The following CDH13 variants were observed in gnomAD, a reference collection of about 807,000 sequenced individuals.
CDH13 encodes the protein cadherin-13.
Under a neutral mutation model 63.8 loss-of-function variants are expected in CDH13, and 24 were observed. The observed-to-expected ratio is 0.38, with a 90% confidence interval of 0.27 to 0.53. The LOEUF (loss-of-function observed/expected upper bound fraction) is 0.53, where lower values mean the gene tolerates loss of function less well. CDH13 is among the 20% of genes least tolerant of loss of function. CDH13 has a pLI of 0.85. For missense variants in CDH13, 1,049 were observed against 903.1 expected, an observed-to-expected ratio of 1.16 and a Z score of -2.07; for synonymous variants, 503 against 355.3, an observed-to-expected ratio of 1.42 and a Z score of -4.67.
At chr16:83,563,665 G>T (rs567031192) in intron 7 of CDH13, among the ~76,000 whole-genome samples, 1 of 152,160 alleles carries the variant, frequency 6.6e-6, no homozygotes, top group Non-Finnish European at 1.5e-5. Flanking sequence ...TTAGGAGGGC[G>T]TGTGTGTATG....
intron 10 of CDH13, among the ~76,000 whole-genome samples, chr16:83,710,916 T>C (rs546267822): frequency 3.9e-5 from 6 of 152,286 alleles, no homozygotes; most frequent in Admixed American, 2.0e-4. Flanking sequence ...TGTGTAGCAT[T>C]TGAAGGAGGC....
chr16:83,324,140 T>C (rs9926617), intron 5 of CDH13, among the ~76,000 whole-genome samples: 47,155 of 151,294 alleles, frequency 0.31, 7,489 homozygotes, highest in East Asian at 0.46. Context: ...CAGGTTCAAG[T>C]AGTTCCTTGC....
intron 6 of CDH13, among the ~76,000 whole-genome samples, chr16:83,382,204 G>A (rs2091580453): frequency 1.3e-5 from 2 of 152,252 alleles, no homozygotes; most frequent in South Asian, 2.1e-4. Context: ...CTGACTAATA[G>A]CCATAAAGTA....
chr16:83,150,643 T>G (rs968977759), intron 4 of CDH13, among the ~76,000 whole-genome samples: 4 of 152,212 alleles, frequency 2.6e-5, no homozygotes, highest in African/African-American at 7.2e-5. Flanking sequence ...ATAGAGCGTT[T>G]TTTATCTCAC....
chr16:83,532,722 C>A lies in CDH13; in HGVS notation c.960+46067C>A, dbSNP rs559271173. ...TAAGTTCTTTGCAAGCAATCATTGG[C>A]CATCTGCCTGAGTAGTCACGCTGGT... On this transcript the variant is annotated intron_variant, in intron 7 of 13. Coordinates refer to ENST00000567109, the MANE Select transcript of CDH13 (RefSeq NM_001257.5). 2.6e-4 allele frequency among the ~76,000 whole-genome samples: 39 copies of A among 152,360 alleles called. 1 individual carries two copies. In the South Asian group the frequency reaches 6.4e-3, roughly 25 times the overall value.
intron 4 of CDH13, among the ~76,000 whole-genome samples, chr16:83,189,216 T>G (rs8048495): frequency 6.6e-6 from 1 of 152,042 alleles, no homozygotes; most frequent in Non-Finnish European, 1.5e-5. Context: ...TCTGTAGATT[T>G]CCGCCGTCTG....
intron 4 of CDH13, among the ~76,000 whole-genome samples, chr16:83,151,224 C>T (rs576694492): frequency 7.2e-5 from 11 of 152,298 alleles, no homozygotes; most frequent in African/African-American, 2.6e-4. Flanking sequence ...CATAATTGAA[C>T]AGTGGTGACA....
rs115437580 is a variant in CDH13, at chr16:83,665,533, C to A, written c.1102-5257C>A. Among the ~76,000 whole-genome samples, 347 of 152,274 alleles carry A rather than the reference C, an allele frequency of 2.3e-3. 2 individuals carry two copies. Among genetic ancestry groups the A allele is most frequent in the African/African-American group, 7.9e-3 (329 of 41,556 alleles). ...GCAAGTTATATTTCTGATGGTCTCT[C>A]CCCTACCCTTTTATCATCACAAATA... On this transcript the variant is annotated intron_variant, in intron 8 of 13. Coordinates refer to ENST00000567109, the MANE Select transcript of CDH13 (RefSeq NM_001257.5).
rs911123048 is a variant in CDH13 at position 83,287,631 on chromosome 16, G to A, written c.637-57231G>A. Among the ~76,000 whole-genome samples the A allele has an allele frequency of 2.6e-5, 4 of 152,266 alleles. No homozygotes were observed. In the East Asian group the frequency reaches 5.8e-4, roughly 22 times the overall value. On this transcript the variant is annotated intron_variant, in intron 5 of 13. Transcript: ENST00000567109. ...GGTCCCTCTAGTTGCAGGAAACCAA[G>A]CTCAGGGCTCTCACTGATTCTACAT... is the stretch of plus-strand genomic sequence containing the variant.
intron 1 of CDH13, among the ~76,000 whole-genome samples, chr16:82,678,581 G>C (rs1914198545): frequency 6.6e-6 from 1 of 152,218 alleles, no homozygotes; most frequent in African/African-American, 2.4e-5. Flanking sequence ...AGAAGCTTGA[G>C]TGACTGGTAA....
At chr16:82,711,396 C>A (rs992636096) in intron 1 of CDH13, among the ~76,000 whole-genome samples, 1 of 152,066 alleles carries the variant, frequency 6.6e-6, no homozygotes, top group African/African-American at 2.4e-5. Flanking sequence ...ACTTGGGATT[C>A]TGGAATGGGG....
intron 7 of CDH13, among the ~76,000 whole-genome samples, chr16:83,490,928 C>G (rs73603864): frequency 1.2e-4 from 18 of 152,340 alleles, no homozygotes; most frequent in South Asian, 4.1e-4. Flanking sequence ...TCTGTTCTCT[C>G]TCTCTATTCC....
chr16:82,725,277 T>A (rs991863848), intron 1 of CDH13, among the ~76,000 whole-genome samples: 5 of 152,206 alleles, frequency 3.3e-5, no homozygotes, highest in African/African-American at 4.8e-5. Context: ...GTCTCTCAAG[T>A]TCTGAATTGT....
chr16:83,159,335 G>C (rs2037349041), intron 4 of CDH13, among the ~76,000 whole-genome samples: 1 of 152,110 alleles, frequency 6.6e-6, no homozygotes, highest in Non-Finnish European at 1.5e-5. Context: ...TTATTACAAA[G>C]CCTGCATTCT....
chr16:83,364,103 C>T (rs2091214247), intron 6 of CDH13, among the ~76,000 whole-genome samples: 1 of 152,140 alleles, frequency 6.6e-6, no homozygotes, highest in African/African-American at 2.4e-5. Context: ...ATATAAATGT[C>T]AACGCAAGAA....
chr16:82,885,466 C>CCCATCCATCCAT (rs58100947), intron 2 of CDH13, among the ~76,000 whole-genome samples: 1 of 129,224 alleles, frequency 7.7e-6, no homozygotes, highest in Non-Finnish European at 1.6e-5. Flanking sequence ...CATCCACCTA[C>CCCATCCATCCAT]CCATCCATCC....
chr16:83,570,676 T>C (rs1904495961), intron 7 of CDH13, among the ~76,000 whole-genome samples: 1 of 146,648 alleles, frequency 6.8e-6, no homozygotes, highest in South Asian at 2.1e-4. Context: ...TCCTTTTATA[T>C]ATATAAAAAA....
At chr16:83,507,339 A>G (rs531050648) in intron 7 of CDH13, among the ~76,000 whole-genome samples, 10 of 152,374 alleles carry the variant, frequency 6.6e-5, no homozygotes, top group African/African-American at 2.4e-4. Context: ...ATAGAGGCTC[A>G]GAAGATGGCT....
chr16:83,079,637 C>T (rs1416641804), intron 3 of CDH13, among the ~76,000 whole-genome samples: 1 of 152,118 alleles, frequency 6.6e-6, no homozygotes, highest in Non-Finnish European at 1.5e-5. Flanking sequence ...TCATTGTTAC[C>T]ATTATCCTTG....
Sources: allele counts gnomAD v4.1 joint callset (sites outside exome capture counted in the v4.1 genomes callset), GRCh38; gene constraint gnomAD v4.1.1; transcripts MANE v1.5; gene names NCBI Gene and HGNC (gene_info 2026-07-23, HGNC 2026-07-21).